The following LRRK1 variants were observed in gnomAD, a reference collection of about 807,000 sequenced individuals.
LRRK1 encodes the protein leucine rich repeat kinase 1.
LRRK1 carries 113 observed loss-of-function variants against 209.1 expected under a neutral mutation model. The observed-to-expected ratio is 0.54, with a 90% CI of 0.46 to 0.63. The LOEUF (loss-of-function observed/expected upper bound fraction) is 0.63, where lower values mean the gene tolerates loss of function less well. LRRK1 is among the 30% of genes least tolerant of loss of function. The pLI is 0.00. For synonymous variants in LRRK1, 1,144 were observed against 1,099.7 expected (o/e 1.04, Z -0.80); for missense variants, 2,284 against 2,632.2 (o/e 0.87, Z 2.89).
chr15:100,973,705 C>T (rs922332740), intron 2 of LRRK1, 99 bp from the exon 3 acceptor site: 212 of 1,158,634 alleles, frequency 1.8e-4, no homozygotes, highest in African/African-American at 1.2e-3. Context: ...CGCGATCGTG[C>T]AACGGGCCGC....
intron 2 of LRRK1, among the ~76,000 whole-genome samples, chr15:100,932,088 C>T (rs1199550348): frequency 6.6e-6 from 1 of 152,140 alleles, no homozygotes; most frequent in Non-Finnish European, 1.5e-5. Context: ...AGGGTTCAAG[C>T]GATTCTCCTG....
At chr15:100,974,368 A>G (rs1371141951) in intron 3 of LRRK1, among the ~76,000 whole-genome samples, 1 of 152,240 alleles carries the variant, frequency 6.6e-6, no homozygotes, top group East Asian at 1.9e-4. Context: ...CAAATTCCTG[A>G]TACACCCTAA....
At position 101,012,005 on chromosome 15, in the gene LRRK1, T is replaced by G; in HGVS notation, c.1282-3T>G. ...ACATTTTTTTTTCTCGTCAATCTCT[T>G]AGAAATGTTGTAAAGCTTCCAGAAA... On this transcript the variant is annotated splice_region_variant and splice_polypyrimidine_tract_variant and intron_variant, in intron 9 of 33. Transcript: ENST00000388948. The G allele has an allele frequency of 1.3e-6, 2 of 1,593,688 alleles. No individual in the cohort carries two copies. Among genetic ancestry groups the G allele is most frequent in the Non-Finnish European group, 8.5e-7 (1 of 1,172,818 alleles).
chr15:101,061,056 A>T, intron 29 of LRRK1, 115 bp from the exon 30 acceptor site: 1 of 781,718 alleles, frequency 1.3e-6, no homozygotes, highest in South Asian at 1.5e-5. Flanking sequence ...ACAGGATGCA[A>T]CCCTGGGTGG....
chr15:101,009,075 G>A lies in LRRK1; in HGVS notation c.989+12G>A, dbSNP rs2033116212. On this transcript the variant is annotated intron_variant, in intron 7 of 33. Coordinates refer to ENST00000388948, the MANE Select transcript of LRRK1 (RefSeq NM_024652.6). ...ATCATCTGTTCCAGGTGGCTCCCCG[G>A]GGTGTGACCGGAGCCGTGTGTGACC... The A allele has an allele frequency of 1.3e-6, 2 of 1,595,154 alleles. No homozygotes were observed. Among genetic ancestry groups the A allele is most frequent in the African/African-American group, 1.3e-5 (1 of 74,648 alleles).
intron 20 of LRRK1, among the ~76,000 whole-genome samples, chr15:101,031,875 C>T (rs2034298930): frequency 6.6e-6 from 1 of 152,116 alleles, no homozygotes; most frequent in South Asian, 2.1e-4. Context: ...GCTGGGACTA[C>T]AGGCGCCCAC....
intron 15 of LRRK1, among the ~76,000 whole-genome samples, chr15:101,023,800 G>A (rs892238412): frequency 1.3e-5 from 2 of 152,202 alleles, no homozygotes; most frequent in Admixed American, 6.5e-5. Context: ...GGGGTGAAGC[G>A]CTGCCTGTTG....
In LRRK1 at chr15:101,065,613, C is replaced by T. The variant is rs77374252; in HGVS notation, c.5176C>T (p.Arg1726Trp). The T allele has an allele frequency of 2.5e-6, 4 of 1,614,184 alleles. No individual in the cohort carries two copies. The highest frequency in any genetic ancestry group is 3.4e-6 in the Non-Finnish European group (4 of 1,180,024). The change falls in exon 32 of 34, where the codon CGG (arginine) becomes TGG (tryptophan). Residue 1726 changes from arginine to tryptophan, a missense_variant. By Grantham distance (101) the Arg-to-Trp change is moderately radical. Transcript: ENST00000388948. The stretch of plus-strand genomic sequence containing the variant: ...CTGTGCCTCCCTGGAGATCTGCAGG[C>T]GGCTGGAGCCCTACATGGCCCCCTC... The part of the protein sequence containing the change: ...IDCASLEICR[R>W]LEPYMAPSMV...
chr15:101,052,939 G>A lies in LRRK1; in HGVS notation c.3707G>A (p.Ser1236Asn), dbSNP rs375762978. The A allele has an allele frequency of 1.2e-6, 2 of 1,607,904 alleles. No individual in the cohort carries two copies. Among genetic ancestry groups the A allele is most frequent in the Non-Finnish European group, 8.5e-7 (1 of 1,175,558 alleles). The change falls in exon 25 of 34, where the codon AGC becomes AAC. Residue 1236 changes from serine (S) to asparagine (N), a missense_variant. Coordinates refer to ENST00000388948, the MANE Select transcript of LRRK1 (RefSeq NM_024652.6). ...DFPARLFLENSKLEHSEDEGS... is the reference protein window; with the variant it reads ...DFPARLFLENNKLEHSEDEGS... ...TGTGGCAGGCTCTTCCTGGAGAACA[G>A]CAAGCTGGAGCACAGCGAGGACGAG... is the stretch of plus-strand genomic sequence containing the variant.
chr15:100,936,337 A>ATG (rs146053808), intron 2 of LRRK1, among the ~76,000 whole-genome samples: 3 of 152,112 alleles, frequency 2.0e-5, no homozygotes, highest in South Asian at 2.1e-4. Flanking sequence ...TTATGGCTGT[A>ATG]TGTGTGTGTG....
At chr15:101,064,977 T>C (rs1385542082) in intron 31 of LRRK1, among the ~76,000 whole-genome samples, 2 of 152,036 alleles carry the variant, frequency 1.3e-5, no homozygotes, top group East Asian at 1.9e-4. Context: ...CACCAGGTCC[T>C]GCCTCTGAAG....
Position 101,022,104 on chromosome 15 carries a change from C to A in LRRK1, c.1852+147C>A. The A allele has an allele frequency of 4.6e-6, 3 of 656,570 alleles. No individual in the cohort carries two copies. The highest frequency in any genetic ancestry group is 2.6e-6 in the Non-Finnish European group (1 of 384,070). The allele number at this position is 656,570 out of a possible 1,614,324, so 40.7% of individuals were successfully genotyped here. On this transcript the variant is annotated intron_variant, in intron 14 of 33. Coordinates refer to ENST00000388948, the MANE Select transcript of LRRK1 (RefSeq NM_024652.6). The surrounding 1 kb of genome is among the most constrained non-coding windows in gnomAD (Gnocchi z 4.0). ...TTTGACAAGATGCTATAAAATTGTCCCTAAAGCAATCGTTACTGAGGGTCA... is the reference window on the plus strand; with the variant it reads ...TTTGACAAGATGCTATAAAATTGTCACTAAAGCAATCGTTACTGAGGGTCA...
At chr15:101,056,372 T>TAATC (rs2035793287) in intron 27 of LRRK1, among the ~76,000 whole-genome samples, 1 of 152,208 alleles carries the variant, frequency 6.6e-6, no homozygotes, top group South Asian at 2.1e-4. Context: ...TTGGAGTCCT[T>TAATC]AATCAGTGAC....
intron 2 of LRRK1, among the ~76,000 whole-genome samples, chr15:100,934,990 A>G (rs1338778244): frequency 6.6e-6 from 1 of 152,112 alleles, no homozygotes; most frequent in Non-Finnish European, 1.5e-5. Flanking sequence ...GAAGGCTGGG[A>G]AGAAGAGGGT....
In LRRK1 at chr15:100,940,093, T is replaced by C. The variant is rs572161065; in HGVS notation, c.97+15364T>C. 6.8e-4 allele frequency among the ~76,000 whole-genome samples: 104 copies of C among 152,320 alleles called. 4 individuals are homozygous for C. The South Asian group carries it at 0.021, about 30-fold the overall frequency. ...ATCCTGCCCCGGATGCACGATGCACTGTTTCTCCAAGAATCCCTGTGTCCT... is the reference window on the plus strand; with the variant it reads ...ATCCTGCCCCGGATGCACGATGCACCGTTTCTCCAAGAATCCCTGTGTCCT... On this transcript the variant is annotated intron_variant, in intron 2 of 33. Coordinates refer to ENST00000388948, the MANE Select transcript of LRRK1 (RefSeq NM_024652.6).
In LRRK1 at chr15:100,989,274, T is replaced by G; in HGVS notation, c.638T>G (p.Leu213Arg). ...GGGAATGAAGACATTGCAATATTCCTGCTTCGGCATGGGGCCTATTTCTGT... is the reference window on the plus strand; with the variant it reads ...GGGAATGAAGACATTGCAATATTCCGGCTTCGGCATGGGGCCTATTTCTGT... ...KSGNEDIAIF[L>R]LRHGAYFCSY... is the part of the protein sequence containing the mutation. Residue 213 changes from leucine to arginine, a missense_variant, in exon 6 of 34, where the codon CTG (leucine) becomes CGG (arginine). Physicochemically the swap from Leu to Arg is moderately radical, Grantham distance 102 (BLOSUM62 -2). Transcript: ENST00000388948. 1 of 1,614,202 alleles carries G rather than the reference T, an allele frequency of 6.2e-7. No homozygotes were observed. Among genetic ancestry groups the G allele is most frequent in the Non-Finnish European group, 8.5e-7 (1 of 1,180,008 alleles).
intron 12 of LRRK1, among the ~76,000 whole-genome samples, chr15:101,016,652 C>G (rs1277084904): frequency 6.6e-6 from 1 of 152,220 alleles, no homozygotes; most frequent in Non-Finnish European, 1.5e-5. Flanking sequence ...CAATCCATGG[C>G]ATAGGGACTG....
At position 100,984,537 on chromosome 15, in the gene LRRK1, A is replaced by G. The variant is rs118105636; in HGVS notation, c.433+838A>G. Among the ~76,000 whole-genome samples, 274 of 120,218 alleles carry G rather than the reference A, an allele frequency of 2.3e-3. 4 individuals are homozygous for G. In the East Asian group the frequency reaches 0.033, roughly 14 times the overall value. 78.9% of individuals were successfully genotyped at this position (120,218 alleles called of 152,430 possible). Reference sequence around the variant, plus strand: ...CTGGCAACTACTGATCTTTTTTACTATCTTTGCCTTTTCCAGAACATCGCT... The same window carrying G: ...CTGGCAACTACTGATCTTTTTTACTGTCTTTGCCTTTTCCAGAACATCGCT... On this transcript the variant is annotated intron_variant, in intron 4 of 33. Coordinates refer to ENST00000388948, the MANE Select transcript of LRRK1 (RefSeq NM_024652.6).
At chr15:101,025,084 G>A in intron 16 of LRRK1, 117 bp downstream of exon 16, 1 of 1,023,312 alleles carries the variant, frequency 9.8e-7, no homozygotes, top group Non-Finnish European at 1.4e-6. Flanking sequence ...GCCACAGAGG[G>A]CCCCAGAACC....
Sources: allele counts gnomAD v4.1 joint callset (sites outside exome capture counted in the v4.1 genomes callset), GRCh38; gene constraint gnomAD v4.1.1; non-coding constraint Gnocchi (gnomAD v3.1); transcripts MANE v1.5; gene names NCBI Gene and HGNC (gene_info 2026-07-23, HGNC 2026-07-21).